Variants in PXDNL observed in about 807,000 individuals in gnomAD.
PXDNL encodes peroxidasin like.
Under a neutral mutation model 150.8 loss-of-function variants are expected in PXDNL, and 145 were observed. That is an observed-to-expected ratio of 0.96 (90% CI 0.84 to 1.10). PXDNL has a LOEUF of 1.10. Ranked by LOEUF, PXDNL falls within the 50% of genes least tolerant of loss-of-function variation. PXDNL has a pLI of 0.00. For missense variants in PXDNL, 2,087 were observed against 1,873.9 expected, an observed-to-expected ratio of 1.11 and a Z score of -2.10; for synonymous variants, 757 against 725.7, an observed-to-expected ratio of 1.04 and a Z score of -0.69.
rs771432328 is a variant in PXDNL, at chr8:51,408,398, C to T, written c.3226G>A (p.Glu1076Lys). 5.0e-6 allele frequency: 8 copies of T among 1,613,990 alleles called. No individual in the cohort carries two copies. In the East Asian group the frequency reaches 6.7e-5, roughly 13 times the overall value. ...GCTTTATGGAACGGAAGGTGGCCTT[C>T]GGAAATTTCACCTAAGGTGGCATTC... ...RLNATLGEIS[E>K]GHLPFHKALF... The change falls in exon 17 of 23, where the codon GAA becomes AAA. Residue 1076 changes from glutamate (E) to lysine (K), a missense_variant. Transcript: ENST00000356297.
At chr8:51,696,640 C>A (rs1409765853) in intron 1 of PXDNL, among the ~76,000 whole-genome samples, 1 of 143,532 alleles carries the variant, frequency 7.0e-6, no homozygotes, top group Non-Finnish European at 1.5e-5. Context: ...CACAGGCATA[C>A]GCACATCCAC....
intron 1 of PXDNL, among the ~76,000 whole-genome samples, chr8:51,735,015 T>A (rs571606703): frequency 6.6e-5 from 10 of 152,320 alleles, no homozygotes; most frequent in Non-Finnish European, 1.3e-4. Context: ...ACAACATATA[T>A]TCTTGAAAAT....
chr8:51,347,950 G>A (rs768197686), intron 19 of PXDNL, among the ~76,000 whole-genome samples: 2 of 152,060 alleles, frequency 1.3e-5, no homozygotes, highest in Non-Finnish European at 2.9e-5. Flanking sequence ...ACTAAAGAAA[G>A]TGAACTTCAA....
chr8:51,599,614 T>C (rs988440737), intron 2 of PXDNL, among the ~76,000 whole-genome samples: 3 of 147,562 alleles, frequency 2.0e-5, no homozygotes, highest in African/African-American at 7.4e-5. Context: ...AATTATATCT[T>C]ATATAAATTA....
chr8:51,809,279 C>T lies in PXDNL; in HGVS notation c.66G>A (p.Leu22=). 6.3e-7 allele frequency: 1 copy of T among 1,595,652 alleles called. No individual in the cohort carries two copies. Among genetic ancestry groups the T allele is most frequent in the Non-Finnish European group, 8.5e-7 (1 of 1,171,036 alleles). The part of the protein sequence containing the change: ...FLLAGWCLPG[L]PCPSRCLCFK... ...AGCAAAGGCACCGGCTGGGGCAGGGCAACCCTGGCAGGCACCACCCGGCCA... is the reference window on the plus strand; with the variant it reads ...AGCAAAGGCACCGGCTGGGGCAGGGTAACCCTGGCAGGCACCACCCGGCCA... Residue 22 remains leucine, a synonymous_variant, in exon 1 of 23, where the codon TTG becomes TTA. Transcript: ENST00000356297.
At chr8:51,329,585 T>C (rs1460166220) in intron 21 of PXDNL, among the ~76,000 whole-genome samples, 3 of 152,182 alleles carry the variant, frequency 2.0e-5, no homozygotes, top group African/African-American at 4.8e-5. Flanking sequence ...GTTGAAATTA[T>C]CTGGCAGGGA....
intron 1 of PXDNL, among the ~76,000 whole-genome samples, chr8:51,740,169 G>A (rs964481386): frequency 6.6e-6 from 1 of 152,114 alleles, no homozygotes; most frequent in African/African-American, 2.4e-5. Context: ...AATTTAACAA[G>A]GTTCTTCTTC....
chr8:51,772,399 C>G (rs879900659), intron 1 of PXDNL, among the ~76,000 whole-genome samples: 1 of 151,980 alleles, frequency 6.6e-6, no homozygotes, highest in Non-Finnish European at 1.5e-5. Context: ...TTTATTTTTT[C>G]AGAAGAAGAT....
At chr8:51,357,510 C>T (rs1806548226) in intron 19 of PXDNL, among the ~76,000 whole-genome samples, 1 of 152,218 alleles carries the variant, frequency 6.6e-6, no homozygotes, top group South Asian at 2.1e-4. Context: ...TCTGATGTGG[C>T]TTCTTCAGAT....
chr8:51,533,878 C>T (rs1282488537), intron 4 of PXDNL, among the ~76,000 whole-genome samples: 2 of 150,750 alleles, frequency 1.3e-5, no homozygotes, highest in Non-Finnish European at 2.9e-5. Context: ...CCTAAAGTGC[C>T]AAGATTGCAG....
At chr8:51,552,745 G>A (rs1812520471) in intron 4 of PXDNL, among the ~76,000 whole-genome samples, 1 of 152,150 alleles carries the variant, frequency 6.6e-6, no homozygotes, top group South Asian at 2.1e-4. Context: ...CTCAGGTGTT[G>A]GGTGCACCAA....
chr8:51,375,279 A>G (rs553858855), intron 17 of PXDNL, among the ~76,000 whole-genome samples: 33 of 152,340 alleles, frequency 2.2e-4, no homozygotes, highest in African/African-American at 7.9e-4. Flanking sequence ...ATTTTTAAAA[A>G]CAACAAACAA....
intron 12 of PXDNL, among the ~76,000 whole-genome samples, chr8:51,438,219 T>C (rs1238651645): frequency 3.3e-5 from 5 of 152,156 alleles, no homozygotes; most frequent in Non-Finnish European, 7.3e-5. Flanking sequence ...AGAATCAATA[T>C]TGTGAAAATG....
rs146160684 is a variant in PXDNL, at chr8:51,779,315, C to T, written c.164+29866G>A. ...GAAGGCCACACATATCATGATCTGA[C>T]GGCGAGGCGAAGTCCCTGTGGGCAC... On this transcript the variant is annotated intron_variant, in intron 1 of 22. Transcript: ENST00000356297. Among the ~76,000 whole-genome samples the T allele has an allele frequency of 5.6e-4, 85 of 152,298 alleles. No individual in the cohort carries two copies. The East Asian group carries it at 0.011, about 20-fold the overall frequency.
At chr8:51,568,133 T>G (rs1812863029) in intron 3 of PXDNL, among the ~76,000 whole-genome samples, 1 of 151,698 alleles carries the variant, frequency 6.6e-6, no homozygotes, top group Non-Finnish European at 1.5e-5. Context: ...TCTGAACAAA[T>G]TTTTATCCGT....
chr8:51,457,023 A>G (rs1190407151), intron 9 of PXDNL, among the ~76,000 whole-genome samples: 1 of 152,214 alleles, frequency 6.6e-6, no homozygotes, highest in Non-Finnish European at 1.5e-5. Context: ...TGCAGTCATT[A>G]TGTCTGGTTT....
intron 6 of PXDNL, among the ~76,000 whole-genome samples, chr8:51,480,447 G>T (rs1307441387): frequency 6.6e-6 from 1 of 152,088 alleles, no homozygotes; most frequent in Non-Finnish European, 1.5e-5. Context: ...ATAATGACCA[G>T]ATCTCAAGAA....
Position 51,409,193 on chromosome 8 carries a change from C to G in PXDNL, c.2431G>C (p.Glu811Gln), listed in dbSNP as rs1216055332. The G allele has an allele frequency of 6.3e-7, 1 of 1,591,004 alleles. No individual in the cohort carries two copies. Among genetic ancestry groups the G allele is most frequent in the East Asian group, 2.3e-5 (1 of 44,146 alleles). ...GGCACTGTGTGGTCCAAGTCGTGCT[C>G]TAGAAACCAGCCCCAGTGCATGAGC... Reference protein sequence around the residue: ...RMLMHWGWFLEHDLDHTVPAL... With the variant: ...RMLMHWGWFLQHDLDHTVPAL... Residue 811 changes from glutamate (E) to glutamine (Q), a missense_variant, in exon 17 of 23, where the codon GAG (glutamate) becomes CAG (glutamine). Physicochemically the swap from Glu to Gln is conservative, Grantham distance 29 (BLOSUM62 2). Transcript: ENST00000356297.
intron 17 of PXDNL, among the ~76,000 whole-genome samples, chr8:51,397,967 T>C (rs1354706372): frequency 6.6e-6 from 1 of 152,128 alleles, no homozygotes; most frequent in Non-Finnish European, 1.5e-5. Flanking sequence ...TAAAAATCTT[T>C]CATTTAAACA....
Sources: allele counts gnomAD v4.1 joint callset (sites outside exome capture counted in the v4.1 genomes callset), GRCh38; gene constraint gnomAD v4.1.1; transcripts MANE v1.5; gene names NCBI Gene and HGNC (gene_info 2026-07-23, HGNC 2026-07-21).